Variants in PARP8 observed in about 807,000 individuals in gnomAD.
PARP8 encodes the protein protein mono-ADP-ribosyltransferase PARP8.
A neutral mutation model predicts 124.1 loss-of-function variants in PARP8; 51 were observed. The observed-to-expected ratio is 0.41, with a 90% CI of 0.33 to 0.52. The LOEUF is 0.52. Among genes scored for constraint, PARP8 ranks in the 20% least tolerant of loss-of-function variants. The pLI is 0.21. For missense variants in PARP8, 860 were observed against 1,018.9 expected (o/e 0.84, Z 2.12); for synonymous variants, 391 against 361.5 (o/e 1.08, Z -0.93).
intron 2 of PARP8, among the ~76,000 whole-genome samples, chr5:50,736,777 G>C (rs942567014): frequency 1.3e-5 from 2 of 151,946 alleles, no homozygotes; most frequent in African/African-American, 4.8e-5. Flanking sequence ...TTTTCCTTTA[G>C]AATTTCTCTC....
At position 50,803,508 on chromosome 5, in the gene PARP8, T is replaced by TC. The variant is rs1333657473; in HGVS notation, c.1575+6276dup. The stretch of plus-strand genomic sequence containing the variant: ...ACCCCATAGATCTCTTACACTTTGT[T>TC]CATTTTTTTCATTTTATTATTCTTC... On this transcript the variant is annotated intron_variant, in intron 14 of 25. Transcript: ENST00000281631. Among the ~76,000 whole-genome samples, 3 of 152,152 alleles carry TC rather than the reference T, an allele frequency of 2.0e-5. No homozygotes were observed. In the East Asian group the frequency reaches 5.8e-4, roughly 29 times the overall value.
chr5:50,834,854 A>C, intron 24 of PARP8, 77 bp from the exon 25 acceptor site: 115 of 1,211,734 alleles, frequency 9.5e-5, no homozygotes, highest in Non-Finnish European at 1.2e-4. Context: ...TTCAACGAGA[A>C]GAGATATATT....
chr5:50,742,826 T>C (rs189595874), intron 2 of PARP8, among the ~76,000 whole-genome samples: 7 of 152,110 alleles, frequency 4.6e-5, no homozygotes, highest in African/African-American at 1.7e-4. Context: ...TAATCTGCAG[T>C]TTGGAGCTGG....
chr5:50,687,693 A>G (rs1455353056), intron 2 of PARP8, among the ~76,000 whole-genome samples: 1 of 152,186 alleles, frequency 6.6e-6, no homozygotes, highest in Non-Finnish European at 1.5e-5. Context: ...AGTAAGTCAC[A>G]TCTTACATAG....
At chr5:50,745,598 G>A (rs1417191768) in intron 2 of PARP8, among the ~76,000 whole-genome samples, 3 of 152,124 alleles carry the variant, frequency 2.0e-5, no homozygotes, top group African/African-American at 7.2e-5. Context: ...ACTACAACAG[G>A]CCCTCTAACT....
At chr5:50,729,627 C>T (rs1176620002) in intron 2 of PARP8, among the ~76,000 whole-genome samples, 2 of 152,114 alleles carry the variant, frequency 1.3e-5, no homozygotes, top group Non-Finnish European at 2.9e-5. Flanking sequence ...GTTCAGAAAG[C>T]TTACTCTTTC....
chr5:50,713,851 C>G (rs1025551649), intron 2 of PARP8, among the ~76,000 whole-genome samples: 1 of 151,880 alleles, frequency 6.6e-6, no homozygotes, highest in African/African-American at 2.4e-5. Flanking sequence ...TCTGCTGCAG[C>G]CTAGCAAGAT....
chr5:50,722,644 G>GAGGA (rs1756015435), intron 2 of PARP8, among the ~76,000 whole-genome samples: 1 of 152,112 alleles, frequency 6.6e-6, no homozygotes, highest in African/African-American at 2.4e-5. Flanking sequence ...TGGGCCCCTG[G>GAGGA]AATCCAACTG....
chr5:50,710,308 T>C (rs1181636215), intron 2 of PARP8, among the ~76,000 whole-genome samples: 1 of 152,024 alleles, frequency 6.6e-6, no homozygotes, highest in Non-Finnish European at 1.5e-5. Flanking sequence ...ATAAATTGAT[T>C]GTTTTTGTAC....
intron 2 of PARP8, among the ~76,000 whole-genome samples, chr5:50,743,571 T>C (rs2149538403): frequency 6.6e-6 from 1 of 152,098 alleles, no homozygotes; most frequent in Admixed American, 6.6e-5. Flanking sequence ...TCTAGAAAGC[T>C]CCAGTGTGTC....
chr5:50,778,238 A>G, intron 8 of PARP8, 109 bp downstream of exon 8: 1 of 824,614 alleles, frequency 1.2e-6, no homozygotes, highest in Non-Finnish European at 1.9e-6. Context: ...TTAGTTACAT[A>G]TTGACTGTTA....
chr5:50,710,003 C>A (rs1754608992), intron 2 of PARP8, among the ~76,000 whole-genome samples: 1 of 148,468 alleles, frequency 6.7e-6, no homozygotes, highest in Non-Finnish European at 1.5e-5. Context: ...TATATACACA[C>A]ACACATATAT....
At chr5:50,757,043 A>G (rs1277618416) in intron 3 of PARP8, 3 of 395,818 alleles carry the variant, frequency 7.6e-6, no homozygotes, top group East Asian at 7.4e-5. Flanking sequence ...TTTGTTGTAT[A>G]TGTGTACCTC....
chr5:50,726,930 A>T (rs1756484914), intron 2 of PARP8, among the ~76,000 whole-genome samples: 1 of 152,136 alleles, frequency 6.6e-6, no homozygotes. Context: ...TTTTGTGGAA[A>T]TAACCCAAAG....
intron 25 of PARP8, among the ~76,000 whole-genome samples, chr5:50,840,290 A>G (rs1748042149): frequency 6.6e-6 from 1 of 151,936 alleles, no homozygotes; most frequent in Non-Finnish European, 1.5e-5. Context: ...CCCACTAGTT[A>G]TACACAATCT....
At chr5:50,773,942 C>T (rs1035425237) in intron 7 of PARP8, among the ~76,000 whole-genome samples, 18 of 151,176 alleles carry the variant, frequency 1.2e-4, no homozygotes, top group African/African-American at 4.4e-4. Flanking sequence ...CAGATAAACA[C>T]GTGGACAAAG....
Position 50,790,008 on chromosome 5 carries a change from G to A in PARP8, c.737+1419G>A, listed in dbSNP as rs190763666. Among the ~76,000 whole-genome samples, 28 of 152,198 alleles carry A rather than the reference G, an allele frequency of 1.8e-4. No individual in the cohort carries two copies. In the East Asian group the frequency reaches 4.6e-3, roughly 25 times the overall value. ...ATATATGATATCTAGGATTTTGTAC[G>A]TATTACAGAGCTCTAGAATTTTCTC... On this transcript the variant is annotated intron_variant, in intron 10 of 25. Transcript: ENST00000281631.
intron 1 of PARP8, chr5:50,667,728 G>C: frequency 1.4e-6 from 1 of 701,754 alleles, no homozygotes; most frequent in South Asian, 1.5e-5. Context: ...AAGGCACCCA[G>C]CGCCCCTGCC....
rs145841839 is a variant in PARP8 at position 50,813,667 on chromosome 5, T to C, written c.1576-1765T>C. Among the ~76,000 whole-genome samples the C allele has an allele frequency of 3.2e-3, 493 of 152,284 alleles. 1 individual carries two copies. The highest frequency in any genetic ancestry group is 5.2e-3 in the Non-Finnish European group (351 of 68,014). ...GGTGAGAGAGGGCATCCCTGTCTTG[T>C]GCCAGTTTTCAAAGGGAATGCTTCC... On this transcript the variant is annotated intron_variant, in intron 14 of 25. Coordinates refer to ENST00000281631, the MANE Select transcript of PARP8 (RefSeq NM_024615.4).
Sources: allele counts gnomAD v4.1 joint callset (sites outside exome capture counted in the v4.1 genomes callset), GRCh38; gene constraint gnomAD v4.1.1; transcripts MANE v1.5; gene names NCBI Gene and HGNC (gene_info 2026-07-23, HGNC 2026-07-21).